The following MGLL variants were observed in gnomAD, a reference collection of about 807,000 sequenced individuals.
MGLL encodes monoglyceride lipase.
Under a neutral mutation model 29.1 loss-of-function variants are expected in MGLL, and 7 were observed. The ratio of observed to expected loss-of-function variants is 0.24; its 90% CI spans 0.14 to 0.45. The LOEUF is 0.45. Among genes scored for constraint, MGLL ranks in the 20% least tolerant of loss-of-function variants. MGLL has a pLI of 0.99. For synonymous variants in MGLL, 148 were observed against 168.3 expected (o/e 0.88, Z 0.93); for missense variants, 356 against 413.6 (o/e 0.86, Z 1.21).
intron 2 of MGLL, among the ~76,000 whole-genome samples, chr3:127,805,876 G>A (rs1012720347): frequency 2.0e-5 from 3 of 152,248 alleles, no homozygotes; most frequent in African/African-American, 7.2e-5. Flanking sequence ...GCCTTCCAAA[G>A]AGATTCGTTT....
intron 3 of MGLL, among the ~76,000 whole-genome samples, chr3:127,725,769 T>C (rs2076018656): frequency 6.6e-6 from 1 of 152,198 alleles, no homozygotes; most frequent in Admixed American, 6.5e-5. Flanking sequence ...CTGAATCTTT[T>C]AAAAGTAAAT....
chr3:127,809,166 A>G (rs963635551), intron 2 of MGLL, among the ~76,000 whole-genome samples: 2 of 152,176 alleles, frequency 1.3e-5, no homozygotes, highest in Non-Finnish European at 2.9e-5. Flanking sequence ...GAATTGGGGC[A>G]GAGAGAGAGA....
intron 3 of MGLL, among the ~76,000 whole-genome samples, chr3:127,771,830 C>A (rs527831547): frequency 6.6e-6 from 1 of 152,112 alleles, no homozygotes; most frequent in East Asian, 1.9e-4. Context: ...GGTAACATAG[C>A]GTATGTTGAG....
chr3:127,772,049 G>A (rs1358068096), intron 3 of MGLL, among the ~76,000 whole-genome samples: 1 of 152,168 alleles, frequency 6.6e-6, no homozygotes, highest in Non-Finnish European at 1.5e-5. Flanking sequence ...AAAAGCAAAA[G>A]AGGTGTCATG....
intron 2 of MGLL, among the ~76,000 whole-genome samples, chr3:127,790,985 T>A (rs1269110824): frequency 1.3e-5 from 2 of 152,134 alleles, no homozygotes; most frequent in African/African-American, 4.8e-5. Context: ...GTCCTCCATG[T>A]CACCCAGTCT....
At chr3:127,798,459 G>A (rs1275805970) in intron 2 of MGLL, among the ~76,000 whole-genome samples, 5 of 152,150 alleles carry the variant, frequency 3.3e-5, no homozygotes. Flanking sequence ...GCCCCTGCCT[G>A]TCCTCTTGTG....
At position 127,722,144 on chromosome 3, in the gene MGLL, T is replaced by TAGC. The variant is rs568579350; in HGVS notation, c.399+283_399+285dup. Among the ~76,000 whole-genome samples, 186 of 152,308 alleles carry TAGC rather than the reference T, an allele frequency of 1.2e-3. 1 individual carries two copies. The highest frequency in any genetic ancestry group is 4.4e-3 in the African/African-American group (183 of 41,584). ...ATTCCCCCCTCCAAGAAGTGGCTCT[T>TAGC]AGCAGCCTCACTATGAAATGGCACC... On this transcript the variant is annotated intron_variant, in intron 4 of 7. Coordinates refer to ENST00000265052, the MANE Select transcript of MGLL (RefSeq NM_007283.7).
chr3:127,773,653 T>C (rs763168232), intron 3 of MGLL, among the ~76,000 whole-genome samples: 5 of 152,180 alleles, frequency 3.3e-5, no homozygotes, highest in Admixed American at 6.5e-5. Context: ...ACATGTGGAC[T>C]TGGGGGAGGG....
intron 6 of MGLL, among the ~76,000 whole-genome samples, chr3:127,704,921 C>T (rs751217813): frequency 4.6e-5 from 7 of 152,164 alleles, no homozygotes; most frequent in South Asian, 2.1e-4. Context: ...TACATGCACA[C>T]GTATGTTTAT....
chr3:127,741,289 G>A (rs922404941), intron 3 of MGLL, among the ~76,000 whole-genome samples: 3 of 152,238 alleles, frequency 2.0e-5, no homozygotes, highest in African/African-American at 7.2e-5. Flanking sequence ...GGCGACCCCA[G>A]CTCCAGGCCA....
intron 2 of MGLL, among the ~76,000 whole-genome samples, chr3:127,819,705 T>C (rs772306900): frequency 1.3e-5 from 2 of 152,108 alleles, no homozygotes; most frequent in Non-Finnish European, 2.9e-5. Flanking sequence ...CAGGCAATAA[T>C]AATAATACTT....
chr3:127,746,085 T>C (rs113039619), intron 3 of MGLL, among the ~76,000 whole-genome samples: 4,233 of 151,936 alleles, frequency 0.028, 232 homozygotes, highest in African/African-American at 0.096. Context: ...ATGGAAGAGA[T>C]GGAAGATTGA....
intron 3 of MGLL, among the ~76,000 whole-genome samples, chr3:127,781,164 T>C (rs913924322): frequency 6.6e-6 from 1 of 152,190 alleles, no homozygotes; most frequent in Non-Finnish European, 1.5e-5. Context: ...TGTGTAAATG[T>C]GTAGGTGCAC....
At chr3:127,795,562 T>TA (rs905291775) in intron 2 of MGLL, among the ~76,000 whole-genome samples, 3 of 151,392 alleles carry the variant, frequency 2.0e-5, no homozygotes, top group Non-Finnish European at 2.9e-5. Flanking sequence ...GTTGATACTT[T>TA]AAAAAAAAAT....
chr3:127,782,468 A>G (rs978006604), intron 2 of MGLL, among the ~76,000 whole-genome samples: 2 of 152,090 alleles, frequency 1.3e-5, no homozygotes, highest in African/African-American at 4.8e-5. Flanking sequence ...CGCCTGTAAC[A>G]TGGTAAGAAG....
intron 5 of MGLL, among the ~76,000 whole-genome samples, chr3:127,716,860 T>G (rs925180364): frequency 6.6e-6 from 1 of 152,150 alleles, no homozygotes; most frequent in African/African-American, 2.4e-5. Flanking sequence ...ACCCTCAGGG[T>G]TGCCCCAGAT....
intron 3 of MGLL, among the ~76,000 whole-genome samples, chr3:127,755,333 G>C (rs2076643688): frequency 6.6e-6 from 1 of 152,198 alleles, no homozygotes; most frequent in Non-Finnish European, 1.5e-5. Flanking sequence ...TTAAACAGCT[G>C]CTCACAGCTT....
intron 3 of MGLL, among the ~76,000 whole-genome samples, chr3:127,755,590 C>T (rs577397702): frequency 6.6e-6 from 1 of 152,358 alleles, no homozygotes; most frequent in Admixed American, 6.5e-5. Flanking sequence ...GACACTGGCA[C>T]ATGTGCCTGT....
At chr3:127,796,485 C>T (rs1170422111) in intron 2 of MGLL, among the ~76,000 whole-genome samples, 3 of 152,160 alleles carry the variant, frequency 2.0e-5, no homozygotes, top group Non-Finnish European at 4.4e-5. Flanking sequence ...ATTAGGGTTG[C>T]CAAAATCAGT....
Sources: gnomAD v4.1 joint callset for allele counts (sites outside exome capture counted in the v4.1 genomes callset) on GRCh38, gnomAD v4.1.1 for gene constraint, MANE v1.5 for transcripts, NCBI Gene and HGNC (gene_info 2026-07-23, HGNC 2026-07-21) for gene names.